Variants in NCOR1 observed in about 807,000 individuals in gnomAD.
The protein encoded by NCOR1 is nuclear receptor corepressor 1.
In NCOR1, 63 loss-of-function variants were observed where a neutral mutation model predicts 288.1. That is an observed-to-expected ratio of 0.22 (90% CI 0.18 to 0.27). NCOR1 has a LOEUF of 0.27. NCOR1 is among the 10% of genes least tolerant of loss of function. The probability of loss-of-function intolerance (pLI) is 1.00; values close to 1 mark genes in which losing one functional copy is unlikely to be tolerated. For synonymous variants in NCOR1, 1,007 were observed against 1,065.9 expected, an observed-to-expected ratio of 0.94 and a Z score of 1.08; for missense variants, 2,397 against 3,019.2, an observed-to-expected ratio of 0.79 and a Z score of 4.83.
chr17:16,101,054 C>A (rs7207889), intron 20 of NCOR1, among the ~76,000 whole-genome samples, 196 bp downstream of exon 20: 1 of 152,040 alleles, frequency 6.6e-6, no homozygotes, highest in Non-Finnish European at 1.5e-5. Context: ...AATGTATAAT[C>A]TGTTTCATTA....
At position 16,058,571 on chromosome 17, in the gene NCOR1, G is replaced by A. The variant is rs372596213; in HGVS notation, c.5910C>T (p.Ser1970=). ...CAGGACTTATCACCTCAATAGCATC[G>A]CTAGGTGTTTCATACCTGTGAGAAG... ...SLSSHRYETP[S]DAIEVISPAS... The change falls in exon 38 of 46, where the codon AGC becomes AGT. Residue 1970 remains serine (S), a synonymous_variant. Coordinates refer to ENST00000268712, the MANE Select transcript of NCOR1 (RefSeq NM_006311.4). The A allele has an allele frequency of 7.4e-6, 12 of 1,611,932 alleles. No individual in the cohort carries two copies. Among genetic ancestry groups the A allele is most frequent in the Admixed American group, 1.7e-5 (1 of 59,770 alleles).
intron 4 of NCOR1, among the ~76,000 whole-genome samples, chr17:16,170,574 C>T (rs2082947536): frequency 6.6e-6 from 1 of 151,998 alleles, no homozygotes; most frequent in Admixed American, 6.6e-5. Context: ...GTGGCTCATG[C>T]CTGTAATCCC....
intron 27 of NCOR1, among the ~76,000 whole-genome samples, chr17:16,074,001 G>A (rs890596145): frequency 1.1e-4 from 16 of 152,194 alleles, no homozygotes; most frequent in African/African-American, 3.6e-4. Flanking sequence ...CAAGTCAAAG[G>A]TAATAGGAGG....
chr17:16,157,897 A>C (rs140221846), intron 6 of NCOR1, among the ~76,000 whole-genome samples: 248 of 150,970 alleles, frequency 1.6e-3, no homozygotes, highest in African/African-American at 5.7e-3. Flanking sequence ...TGAATCCATG[A>C]ATATTTTTAA....
At chr17:16,195,055 T>C (rs1235551572) in intron 1 of NCOR1, among the ~76,000 whole-genome samples, 1 of 152,242 alleles carries the variant, frequency 6.6e-6, no homozygotes, top group Admixed American at 6.5e-5. Context: ...GGAAGTATTG[T>C]CTTTATTAAA....
chr17:16,093,671 T>C (rs1326758404), intron 21 of NCOR1, among the ~76,000 whole-genome samples: 2 of 152,304 alleles, frequency 1.3e-5, no homozygotes, highest in East Asian at 3.9e-4. Context: ...TATTCACTGA[T>C]CCTAAAACCC....
intron 12 of NCOR1, among the ~76,000 whole-genome samples, chr17:16,138,563 C>A (rs969928209): frequency 6.6e-6 from 1 of 152,146 alleles, no homozygotes; most frequent in Non-Finnish European, 1.5e-5. Flanking sequence ...CCAGCTTAAG[C>A]GACAGAGCGA....
At chr17:16,144,556 T>C (rs1333245654) in intron 10 of NCOR1, among the ~76,000 whole-genome samples, 1 of 152,136 alleles carries the variant, frequency 6.6e-6, no homozygotes, top group Non-Finnish European at 1.5e-5. Context: ...TTAAACCTAG[T>C]ACCCACTAGC....
At chr17:16,057,368 G>A (rs1186780711) in intron 40 of NCOR1, 146 bp downstream of exon 40, 2 of 725,138 alleles carry the variant, frequency 2.8e-6, no homozygotes, top group South Asian at 1.9e-5. Context: ...AGAATAATAT[G>A]CAGGGGGAAG....
At chr17:16,137,512 A>G in intron 13 of NCOR1, 100 bp from the exon 14 acceptor site, 4 of 618,714 alleles carry the variant, frequency 6.5e-6, no homozygotes. Flanking sequence ...TTCTGAAAGT[A>G]AAATTAAAGA....
chr17:16,057,380 AAGCTCATT>A, intron 40 of NCOR1, 126 bp downstream of exon 40: 1 of 826,238 alleles, frequency 1.2e-6, no homozygotes, highest in Non-Finnish European at 1.9e-6. Flanking sequence ...AGGGGGAAGA[AAGCTCATT>A]TACACTTTCC....
Position 16,137,347 on chromosome 17 carries a change from G to C in NCOR1, c.1473C>G (p.Val491=), listed in dbSNP as rs1173706656. Residue 491 remains valine (V), a synonymous_variant, in exon 14 of 46, where the codon GTC becomes GTG. Transcript: ENST00000268712. ...CTCTGCGTTTCCCATAATTCCTTCT[G>C]ACGAGGGCTTTATAATTCTCATTTT... ...TKKNENYKAL[V]RRNYGKRRGR... The C allele has an allele frequency of 6.2e-7, 1 of 1,604,668 alleles. No homozygotes were observed. Among genetic ancestry groups the C allele is most frequent in the Non-Finnish European group, 8.5e-7 (1 of 1,174,802 alleles).
intron 1 of NCOR1, among the ~76,000 whole-genome samples, chr17:16,210,832 C>T (rs1422511257): frequency 1.3e-5 from 2 of 151,962 alleles, no homozygotes; most frequent in Non-Finnish European, 2.9e-5. Flanking sequence ...CGGGTTCACG[C>T]CATTCTCCTG....
chr17:16,206,179 T>C (rs560804881), intron 1 of NCOR1, among the ~76,000 whole-genome samples: 7 of 152,042 alleles, frequency 4.6e-5, no homozygotes, highest in Non-Finnish European at 1.0e-4. Flanking sequence ...TATCTATCCA[T>C]ATCTACATTA....
chr17:16,061,926 A>C, intron 36 of NCOR1, 32 bp from the exon 37 acceptor site: 1 of 1,575,244 alleles, frequency 6.3e-7, no homozygotes, highest in South Asian at 1.2e-5. Flanking sequence ...AGCTCTGTGA[A>C]GGGAAGACCA....
rs192297897 is a variant in NCOR1, at chr17:16,046,015, G to C, written c.6679+936C>G. Among the ~76,000 whole-genome samples the C allele has an allele frequency of 8.5e-5, 13 of 152,174 alleles. No individual in the cohort carries two copies. The East Asian group carries it at 2.1e-3, about 25-fold the overall frequency. ...TTTTGTAGAGATGGGGTCTCCCTGTGTTGTCCAGGCTAATCTCGAACTCCT... is the reference window on the plus strand; with the variant it reads ...TTTTGTAGAGATGGGGTCTCCCTGTCTTGTCCAGGCTAATCTCGAACTCCT... On this transcript the variant is annotated intron_variant, in intron 42 of 45. Coordinates refer to ENST00000268712, the MANE Select transcript of NCOR1 (RefSeq NM_006311.4).
chr17:16,048,711 A>G (rs889543514), intron 41 of NCOR1, 134 bp downstream of exon 41: 11 of 892,436 alleles, frequency 1.2e-5, no homozygotes, highest in African/African-American at 1.0e-4. Flanking sequence ...AGGAAAAGAG[A>G]CAAATGATCC....
intron 1 of NCOR1, among the ~76,000 whole-genome samples, chr17:16,195,466 G>A (rs1008089161): frequency 2.9e-5 from 4 of 139,702 alleles, no homozygotes; most frequent in Admixed American, 7.4e-5. Flanking sequence ...GCAAGACTCC[G>A]TCTCAAAAAA....
At chr17:16,164,596 G>A (rs1286484279) in intron 5 of NCOR1, among the ~76,000 whole-genome samples, 1 of 152,074 alleles carries the variant, frequency 6.6e-6, no homozygotes, top group Non-Finnish European at 1.5e-5. Flanking sequence ...GTAAAATGGT[G>A]TTACTTCTTA....
Sources: allele counts gnomAD v4.1 joint callset (sites outside exome capture counted in the v4.1 genomes callset), GRCh38; gene constraint gnomAD v4.1.1; transcripts MANE v1.5; gene names NCBI Gene and HGNC (gene_info 2026-07-23, HGNC 2026-07-21).